Variants in KIF6 observed in about 807,000 individuals in gnomAD.
KIF6 encodes the protein kinesin family member 6.
A neutral mutation model predicts 112.7 loss-of-function variants in KIF6; 106 were observed. The observed-to-expected ratio is 0.94, with a 90% CI of 0.80 to 1.11. The LOEUF is 1.11. Ranked by LOEUF, KIF6 falls within the 50% of genes least tolerant of loss-of-function variation. The probability of loss-of-function intolerance (pLI) is 0.00; values close to 1 mark genes in which losing one functional copy is unlikely to be tolerated. For missense variants in KIF6, 929 were observed against 964.0 expected (o/e 0.96, Z 0.48); for synonymous variants, 339 against 339.9 (o/e 1.00, Z 0.03).
At chr6:39,445,894 C>T (rs1772279160) in intron 13 of KIF6, among the ~76,000 whole-genome samples, 1 of 152,196 alleles carries the variant, frequency 6.6e-6, no homozygotes, top group East Asian at 1.9e-4. Context: ...CATTCAAGCT[C>T]AAGTGGCCAC....
chr6:39,527,429 T>C (rs1409954281), intron 13 of KIF6, among the ~76,000 whole-genome samples: 3 of 152,068 alleles, frequency 2.0e-5, no homozygotes, highest in Non-Finnish European at 4.4e-5. Context: ...ATCTCCAATA[T>C]ACTCCAAAGA....
intron 13 of KIF6, among the ~76,000 whole-genome samples, chr6:39,527,837 T>C (rs1489065150): frequency 6.6e-6 from 1 of 152,202 alleles, no homozygotes; most frequent in Non-Finnish European, 1.5e-5. Context: ...CTTGTATTTT[T>C]AGTTGTAAAT....
At chr6:39,456,589 A>G (rs1773127265) in intron 13 of KIF6, among the ~76,000 whole-genome samples, 1 of 123,726 alleles carries the variant, frequency 8.1e-6, no homozygotes, top group African/African-American at 3.5e-5. Flanking sequence ...TTGGATAAAG[A>G]GTCAAGACCC....
chr6:39,455,153 T>C (rs1209228451), intron 13 of KIF6, among the ~76,000 whole-genome samples: 2 of 152,240 alleles, frequency 1.3e-5, no homozygotes, highest in African/African-American at 2.4e-5. Flanking sequence ...GTGGTTCTCA[T>C]AGCACGCAGC....
chr6:39,658,004 A>G (rs968406629), intron 3 of KIF6, among the ~76,000 whole-genome samples: 1 of 152,238 alleles, frequency 6.6e-6, no homozygotes, highest in African/African-American at 2.4e-5. Context: ...AGACTTGTGC[A>G]TATACATAAA....
intron 13 of KIF6, among the ~76,000 whole-genome samples, chr6:39,440,189 C>A (rs1203849324): frequency 6.6e-6 from 1 of 151,750 alleles, no homozygotes; most frequent in African/African-American, 2.4e-5. Context: ...GGACTGAAAG[C>A]ATGAGAAGGC....
At chr6:39,479,031 T>C (rs1348931958) in intron 13 of KIF6, among the ~76,000 whole-genome samples, 2 of 152,176 alleles carry the variant, frequency 1.3e-5, no homozygotes, top group African/African-American at 4.8e-5. Context: ...TTGTGAAAAC[T>C]TTCTCCCAGT....
intron 5 of KIF6, among the ~76,000 whole-genome samples, chr6:39,629,145 G>GT (rs1272943747): frequency 2.0e-5 from 3 of 152,074 alleles, no homozygotes; most frequent in Non-Finnish European, 4.4e-5. Flanking sequence ...TTGTGGGAAG[G>GT]TTTTTGTGTA....
intron 13 of KIF6, among the ~76,000 whole-genome samples, chr6:39,434,497 G>A (rs1771388660): frequency 6.6e-6 from 1 of 152,070 alleles, no homozygotes; most frequent in African/African-American, 2.4e-5. Context: ...CTTGAACCCA[G>A]GAGGCAGAGG....
At chr6:39,612,975 T>C (rs1463429176) in intron 6 of KIF6, among the ~76,000 whole-genome samples, 2 of 152,204 alleles carry the variant, frequency 1.3e-5, no homozygotes, top group African/African-American at 4.8e-5. Context: ...TCTAGATTTC[T>C]GTTCCTGCTC....
chr6:39,349,631 CTTTTTTTTTTT>C (rs58810898), intron 19 of KIF6, among the ~76,000 whole-genome samples: 42 of 64,560 alleles, frequency 6.5e-4, no homozygotes, highest in East Asian at 5.5e-3. Flanking sequence ...ATTTGTGGCT[CTTTTTTTTTTT>C]TTTTTTTTTT....
At chr6:39,427,583 T>G (rs1770863506) in intron 14 of KIF6, among the ~76,000 whole-genome samples, 1 of 152,162 alleles carries the variant, frequency 6.6e-6, no homozygotes, top group South Asian at 2.1e-4. Flanking sequence ...ATATAGAAAT[T>G]TTTAAAAAAA....
chr6:39,436,017 G>C (rs9471103), intron 13 of KIF6, among the ~76,000 whole-genome samples: 50,742 of 152,024 alleles, frequency 0.33, 10,441 homozygotes, highest in African/African-American at 0.58. Flanking sequence ...ACATCTGTGC[G>C]AACATCTATT....
chr6:39,541,503 G>A (rs1212405087), intron 12 of KIF6, among the ~76,000 whole-genome samples: 2 of 152,126 alleles, frequency 1.3e-5, no homozygotes, highest in African/African-American at 4.8e-5. Context: ...AATATCCATC[G>A]ACTCCATCGA....
intron 15 of KIF6, among the ~76,000 whole-genome samples, chr6:39,386,533 T>C (rs911804059): frequency 1.3e-5 from 2 of 152,246 alleles, no homozygotes; most frequent in Admixed American, 6.5e-5. Context: ...GAAAGCAGAC[T>C]TGGGGCTTAA....
At chr6:39,408,733 G>A (rs1302658092) in intron 15 of KIF6, among the ~76,000 whole-genome samples, 1 of 152,136 alleles carries the variant, frequency 6.6e-6, no homozygotes, top group Non-Finnish European at 1.5e-5. Flanking sequence ...GCAGGGGCAT[G>A]ATTGGTAGTA....
chr6:39,600,007 C>T (rs1283681718), intron 6 of KIF6, among the ~76,000 whole-genome samples: 3 of 152,086 alleles, frequency 2.0e-5, no homozygotes, highest in Non-Finnish European at 4.4e-5. Flanking sequence ...CAGTTGGTGT[C>T]CTCTTAGATA....
chr6:39,572,491 T>C (rs1780697262), intron 10 of KIF6, among the ~76,000 whole-genome samples: 1 of 152,090 alleles, frequency 6.6e-6, no homozygotes. Context: ...CTTTTTCTGT[T>C]AGAAAAGGAT....
At chr6:39,438,745 A>G (rs1419301251) in intron 13 of KIF6, among the ~76,000 whole-genome samples, 1 of 152,174 alleles carries the variant, frequency 6.6e-6, no homozygotes, top group Non-Finnish European at 1.5e-5. Context: ...TTAAGTGTAC[A>G]GTGTTTATAA....
Sources: allele counts gnomAD v4.1 joint callset (sites outside exome capture counted in the v4.1 genomes callset), GRCh38; gene constraint gnomAD v4.1.1; transcripts MANE v1.5; gene names NCBI Gene and HGNC (gene_info 2026-07-23, HGNC 2026-07-21).